REDIC1: variants seen among roughly 807,000 people sequenced by gnomAD.
REDIC1 encodes regulator of DNA class I crossover intermediates 1.
At chr12:39,811,435 CTTATT>C in the REDIC1 span, among the ~76,000 whole-genome samples, 6 of 151,994 alleles carry the variant, frequency 3.9e-5, no homozygotes, top group African/African-American at 4.8e-5. Flanking sequence ...TTCTAATATA[CTTATT>C]TTAAAGTATA....
At chr12:39,862,152 T>C in the REDIC1 span, among the ~76,000 whole-genome samples, 1 of 152,162 alleles carries the variant, frequency 6.6e-6, no homozygotes, top group African/African-American at 2.4e-5. Flanking sequence ...AATCAGGCCT[T>C]GGAAAATACA....
chr12:39,860,828 C>T, the REDIC1 span, among the ~76,000 whole-genome samples: 1 of 152,200 alleles, frequency 6.6e-6, no homozygotes, highest in South Asian at 2.1e-4. Context: ...TCATAGACAA[C>T]TGTAAAAAAC....
the REDIC1 span, among the ~76,000 whole-genome samples, chr12:39,697,605 A>G: frequency 6.6e-6 from 1 of 152,228 alleles, no homozygotes; most frequent in Non-Finnish European, 1.5e-5. Context: ...AGAGTTAAAA[A>G]GCAAGGGAAT....
At chr12:39,756,976 T>G in the REDIC1 span, 1 of 151,606 alleles carries the variant, frequency 6.6e-6, no homozygotes, top group African/African-American at 2.4e-5. Flanking sequence ...ATTTATTATT[T>G]AAATATTTTA....
chr12:39,664,717 C>T, the REDIC1 span, among the ~76,000 whole-genome samples: 1 of 152,204 alleles, frequency 6.6e-6, no homozygotes. Context: ...TCCTATTTCT[C>T]CATATCCTCT....
the REDIC1 span, chr12:39,759,896 T>A: frequency 4.6e-6 from 3 of 650,362 alleles, no homozygotes; most frequent in Admixed American, 8.8e-5. Context: ...AATCAAGTAT[T>A]CTAGAATATG....
At chr12:39,691,964 A>T in the REDIC1 span, 1 of 1,212,688 alleles carries the variant, frequency 8.2e-7, no homozygotes, top group Non-Finnish European at 1.1e-6. Context: ...GTACTATAAA[A>T]TGAATTGGTA....
the REDIC1 span, chr12:39,760,015 G>A: frequency 4.9e-5 from 79 of 1,599,894 alleles, no homozygotes; most frequent in Non-Finnish European, 6.5e-5. Flanking sequence ...AAATATATGA[G>A]CAGCTGAAAA....
chr12:39,651,810 C>A, the REDIC1 span, among the ~76,000 whole-genome samples: 3 of 152,078 alleles, frequency 2.0e-5, no homozygotes, highest in Non-Finnish European at 4.4e-5. Flanking sequence ...TAAATTTTGA[C>A]AATGTCAAAG....
the REDIC1 span, among the ~76,000 whole-genome samples, chr12:39,801,539 T>C: frequency 6.6e-6 from 1 of 152,160 alleles, no homozygotes; most frequent in Middle Eastern, 3.2e-3. Context: ...ATATTCCATT[T>C]AAGATTATTT....
At chr12:39,741,754 A>G in the REDIC1 span, among the ~76,000 whole-genome samples, 1 of 152,196 alleles carries the variant, frequency 6.6e-6, no homozygotes, top group Admixed American at 6.5e-5. Flanking sequence ...TATAGGTTAT[A>G]GGCAGGTTTC....
At chr12:39,905,800 T>C in the REDIC1 span, among the ~76,000 whole-genome samples, 6 of 142,340 alleles carry the variant, frequency 4.2e-5, no homozygotes, top group Non-Finnish European at 6.0e-5. Flanking sequence ...CAAAAGGTAC[T>C]AGGCCTTTAT....
chr12:39,774,369 T>G, the REDIC1 span, among the ~76,000 whole-genome samples: 1 of 152,220 alleles, frequency 6.6e-6, no homozygotes, highest in Non-Finnish European at 1.5e-5. Context: ...CTTGGCCCAT[T>G]ACTTCTCAGA....
At chr12:39,634,687 G>A in the REDIC1 span, among the ~76,000 whole-genome samples, 9 of 152,214 alleles carry the variant, frequency 5.9e-5, no homozygotes, top group Non-Finnish European at 1.2e-4. Context: ...AAAAACTCTA[G>A]AAGAACCTAG....
At chr12:39,712,346 A>G in the REDIC1 span, among the ~76,000 whole-genome samples, 3 of 45,836 alleles carry the variant, frequency 6.5e-5, no homozygotes, top group Non-Finnish European at 1.3e-4. Flanking sequence ...ACCTGTATTT[A>G]TATATACATA....
the REDIC1 span, among the ~76,000 whole-genome samples, chr12:39,833,349 T>G: frequency 6.6e-6 from 1 of 152,104 alleles, no homozygotes; most frequent in African/African-American, 2.4e-5. Context: ...TTCGCCCTTT[T>G]TTTAAATTCC....
chr12:39,839,498 G>A, the REDIC1 span, among the ~76,000 whole-genome samples: 7 of 152,054 alleles, frequency 4.6e-5, no homozygotes, highest in Non-Finnish European at 1.0e-4. Context: ...ATTGCTGGTG[G>A]TTGTCTCATG....
the REDIC1 span, among the ~76,000 whole-genome samples, chr12:39,711,697 A>G: frequency 4.4e-4 from 15 of 33,868 alleles, no homozygotes; most frequent in South Asian, 1.8e-3. Flanking sequence ...ATGTATGTGT[A>G]TGTGTATACA....
At chr12:39,760,660 G>C in the REDIC1 span, among the ~76,000 whole-genome samples, 7 of 151,888 alleles carry the variant, frequency 4.6e-5, no homozygotes, top group Non-Finnish European at 1.0e-4. Context: ...GGCACTTTGA[G>C]GTCAGAAGAA....
Sources: gnomAD v4.1 joint callset for allele counts (sites outside exome capture counted in the v4.1 genomes callset) on GRCh38, gnomAD v4.1.1 for gene constraint, MANE v1.5 for transcripts, NCBI Gene and HGNC (gene_info 2026-07-23, HGNC 2026-07-21) for gene names.